CFTR: variants seen among roughly 807,000 people sequenced by gnomAD.
CFTR encodes the protein CF transmembrane conductance regulator, also known as cystic fibrosis transmembrane conductance regulator.
CFTR carries 181 observed loss-of-function variants against 171.6 expected under a neutral mutation model. The observed-to-expected ratio is 1.05, with a 90% CI of 0.93 to 1.19. The LOEUF is 1.19. Among genes scored for constraint, CFTR ranks in the 50% most tolerant of loss-of-function variants. The pLI, the probability that CFTR is intolerant of heterozygous loss-of-function variation, is 0.00. For missense variants in CFTR, 1,968 were observed against 1,734.7 expected, an observed-to-expected ratio of 1.13 and a Z score of -2.39; for synonymous variants, 583 against 608.0, an observed-to-expected ratio of 0.96 and a Z score of 0.60.
chr7:117,559,739 C>T (rs1032521727), intron 11 of CFTR, 84 bp downstream of exon 11: 44 of 909,402 alleles, frequency 4.8e-5, no homozygotes, highest in Admixed American at 9.6e-5. Flanking sequence ...CATATTCAAT[C>T]GGTTAGTCTA....
chr7:117,501,965 C>T (rs572217343), intron 1 of CFTR, among the ~76,000 whole-genome samples: 35 of 152,270 alleles, frequency 2.3e-4, no homozygotes, highest in African/African-American at 6.5e-4. Flanking sequence ...CCCTTCCCAA[C>T]TCTGTGTTCA....
chr7:117,577,053 A>G (rs1791781512), intron 11 of CFTR, among the ~76,000 whole-genome samples: 1 of 152,166 alleles, frequency 6.6e-6, no homozygotes. Flanking sequence ...ACTGTCAGAG[A>G]AGTCATTGGA....
intron 23 of CFTR, among the ~76,000 whole-genome samples, chr7:117,651,469 C>G (rs1793089274): frequency 6.6e-6 from 1 of 152,116 alleles, no homozygotes; most frequent in African/African-American, 2.4e-5. Flanking sequence ...TGTCTACTCT[C>G]TTCAGTTTAT....
chr7:117,650,501 T>C (rs1793073449), intron 23 of CFTR, among the ~76,000 whole-genome samples: 1 of 151,972 alleles, frequency 6.6e-6, no homozygotes, highest in African/African-American at 2.4e-5. Context: ...CAGAACTGCA[T>C]TACTACAACA....
chr7:117,569,657 G>A (rs1791659224), intron 11 of CFTR, among the ~76,000 whole-genome samples: 1 of 152,080 alleles, frequency 6.6e-6, no homozygotes. Context: ...GAAAAGGGGT[G>A]ACTTATAGAA....
At chr7:117,596,132 T>G (rs1343221601) in intron 15 of CFTR, among the ~76,000 whole-genome samples, 1 of 151,120 alleles carries the variant, frequency 6.6e-6, no homozygotes, top group African/African-American at 2.4e-5. Context: ...TCCCTCAGCT[T>G]GCGGGGAGGT....
intron 1 of CFTR, among the ~76,000 whole-genome samples, chr7:117,501,776 C>CAAAAAAAAAAAA (rs796991857): frequency 3.6e-5 from 3 of 84,338 alleles, no homozygotes; most frequent in Non-Finnish European, 8.1e-5. Flanking sequence ...AAAAAAGAAA[C>CAAAAAAAAAAAA]AAAAAAAAAA....
At chr7:117,494,643 C>T (rs1395454603) in intron 1 of CFTR, among the ~76,000 whole-genome samples, 1 of 151,962 alleles carries the variant, frequency 6.6e-6, no homozygotes, top group East Asian at 1.9e-4. Context: ...TACTTTGGGT[C>T]CTAGTGATGG....
intron 22 of CFTR, among the ~76,000 whole-genome samples, chr7:117,628,822 G>A (rs1017392230): frequency 6.6e-6 from 1 of 152,002 alleles, no homozygotes; most frequent in South Asian, 2.1e-4. Flanking sequence ...GAACACCATA[G>A]GTATTCATAT....
rs397508706 is a variant in CFTR at position 117,666,914 on chromosome 7, GA to G, written c.4251del (p.Glu1418ArgfsTer14). The G allele has an allele frequency of 1.9e-6, 3 of 1,613,992 alleles. No individual in the cohort carries two copies. The highest frequency in any genetic ancestry group is 1.7e-4 in the Middle Eastern group (1 of 6,058). On this transcript the variant is annotated frameshift_variant, in exon 27 of 27. Transcript: ENST00000003084. LOFTEE classifies it high-confidence loss of function. ...CTAACAGCCATTTCCCTAGGTCATA[GA>G]AGAGAACAAAGTGCGGCAGTACGAT... ...MLECQQFLVI[E>X]ENKVRQYDSI...
intron 11 of CFTR, chr7:117,564,489 T>C (rs1791566887): frequency 6.4e-6 from 1 of 155,290 alleles, no homozygotes; most frequent in Non-Finnish European, 1.5e-5. Context: ...TGGAGGAGTT[T>C]TGATCATAAG....
At chr7:117,661,602 T>G (rs1033583912) in intron 24 of CFTR, among the ~76,000 whole-genome samples, 21 of 152,194 alleles carry the variant, frequency 1.4e-4, no homozygotes, top group African/African-American at 5.1e-4. Flanking sequence ...TCCTGCTAGC[T>G]TAGTTCCCAA....
At chr7:117,488,984 C>T (rs749837149) in intron 1 of CFTR, among the ~76,000 whole-genome samples, 3 of 151,926 alleles carry the variant, frequency 2.0e-5, no homozygotes, top group Non-Finnish European at 2.9e-5. Flanking sequence ...TGGTTGCATC[C>T]CACAAGGTTG....
chr7:117,655,819 T>C (rs1793157861), intron 24 of CFTR, among the ~76,000 whole-genome samples: 1 of 152,146 alleles, frequency 6.6e-6, no homozygotes, highest in African/African-American at 2.4e-5. Context: ...CAGCAGATTT[T>C]GTGTCTGGTG....
intron 2 of CFTR, among the ~76,000 whole-genome samples, chr7:117,507,589 T>C (rs904846868): frequency 5.9e-5 from 9 of 152,084 alleles, no homozygotes; most frequent in African/African-American, 2.2e-4. Flanking sequence ...AGTAACCAAA[T>C]GTTATGGATG....
Position 117,534,311 on chromosome 7 carries a change from A to T in CFTR, c.525A>T (p.Ile175=), listed in dbSNP as rs2116674963. 1 of 1,604,284 alleles carries T rather than the reference A, an allele frequency of 6.2e-7. No homozygotes were observed. Among genetic ancestry groups the T allele is most frequent in the African/African-American group, 1.3e-5 (1 of 74,830 alleles). Residue 175 remains isoleucine (I), a synonymous_variant, in exon 5 of 27, where the codon ATA becomes ATT. Coordinates refer to ENST00000003084, the MANE Select transcript of CFTR (RefSeq NM_000492.4). ...TGTCAAGCCGTGTTCTAGATAAAAT[A>T]AGTATTGGACAACTTGTTAGTCTCC... is the stretch of plus-strand genomic sequence containing the variant. ...LKLSSRVLDK[I]SIGQLVSLLS...
intron 18 of CFTR, among the ~76,000 whole-genome samples, chr7:117,607,570 TCTC>T (rs1454033628): frequency 3.3e-5 from 5 of 152,196 alleles, no homozygotes; most frequent in Non-Finnish European, 5.9e-5. Context: ...GTCTCAGTGA[TCTC>T]CTTGGAGAAA....
chr7:117,514,595 T>G (rs1299684225), intron 3 of CFTR, among the ~76,000 whole-genome samples: 1 of 152,224 alleles, frequency 6.6e-6, no homozygotes, highest in Non-Finnish European at 1.5e-5. Flanking sequence ...TCTTTGCTAT[T>G]GTAAATAGTT....
At chr7:117,608,383 TTA>T (rs1792333613) in intron 18 of CFTR, among the ~76,000 whole-genome samples, 2 of 152,122 alleles carry the variant, frequency 1.3e-5, no homozygotes, top group Non-Finnish European at 2.9e-5. Context: ...TTTTGTATTA[TTA>T]CTAGAGATGG....
Sources: gnomAD v4.1 joint callset for allele counts (sites outside exome capture counted in the v4.1 genomes callset) on GRCh38, gnomAD v4.1.1 for gene constraint, MANE v1.5 for transcripts, NCBI Gene and HGNC (gene_info 2026-07-23, HGNC 2026-07-21) for gene names.